The following TCF7L2 variants were observed in gnomAD, a reference collection of about 807,000 sequenced individuals.
TCF7L2 encodes the protein transcription factor 7 like 2.
Under a neutral mutation model 77.9 loss-of-function variants are expected in TCF7L2, and 23 were observed. The ratio of observed to expected loss-of-function variants is 0.30; its 90% CI spans 0.21 to 0.42. The LOEUF (loss-of-function observed/expected upper bound fraction) is 0.42, where lower values mean the gene tolerates loss of function less well. Among genes scored for constraint, TCF7L2 ranks in the 10% least tolerant of loss-of-function variants. The pLI is 1.00. For synonymous variants in TCF7L2, 413 were observed against 340.2 expected (o/e 1.21, Z -2.36); for missense variants, 654 against 793.1 (o/e 0.82, Z 2.11).
chr10:113,094,615 A>ATACT (rs1409438971), intron 5 of TCF7L2, among the ~76,000 whole-genome samples: 1 of 152,248 alleles, frequency 6.6e-6, no homozygotes, highest in Non-Finnish European at 1.5e-5. Context: ...ATATTTTGAA[A>ATACT]TACTTCCTCT....
At chr10:113,089,179 G>C (rs559592537) in intron 5 of TCF7L2, among the ~76,000 whole-genome samples, 2 of 152,248 alleles carry the variant, frequency 1.3e-5, no homozygotes, top group South Asian at 4.1e-4. Context: ...AGGCTGCCTG[G>C]AGGAGGTTGC....
rs898042986 is a variant in TCF7L2 at position 113,166,815 on chromosome 10, T to C, written c.*843T>C. On this transcript the variant is annotated 3_prime_UTR_variant, in exon 14 of 14. Coordinates refer to ENST00000627217, the MANE Select transcript of TCF7L2 (RefSeq NM_001146274.2). ...TGTGTATATATATTTTTGTTTCCCC[T>C]TTTTGACTTTTTTTTTTCTGTATGA... 1 of 228,294 alleles carries C rather than the reference T, an allele frequency of 4.4e-6. No individual in the cohort carries two copies. Among genetic ancestry groups the C allele is most frequent in the African/African-American group, 2.2e-5 (1 of 45,096 alleles). The allele number at this position is 228,294 out of a possible 1,614,324, so 14.1% of individuals were successfully genotyped here.
At chr10:112,983,701 A>T (rs1044140147) in intron 4 of TCF7L2, among the ~76,000 whole-genome samples, 3 of 152,144 alleles carry the variant, frequency 2.0e-5, no homozygotes, top group Non-Finnish European at 2.9e-5. Context: ...GTTACTAGGG[A>T]CAGGAGACCT....
intron 4 of TCF7L2, among the ~76,000 whole-genome samples, chr10:112,973,659 G>A (rs1465232506): frequency 2.6e-5 from 4 of 151,922 alleles, no homozygotes; most frequent in Non-Finnish European, 4.4e-5. Context: ...GTGCCATCTC[G>A]GCTCACTGCA....
intron 5 of TCF7L2, among the ~76,000 whole-genome samples, chr10:113,078,954 T>C (rs1440244287): frequency 6.6e-6 from 1 of 152,000 alleles, no homozygotes; most frequent in Non-Finnish European, 1.5e-5. Flanking sequence ...TGCCTCAGCC[T>C]CCCGAGTAGC....
At position 113,109,115 on chromosome 10, in the gene TCF7L2, G is replaced by C. The variant is rs528606988; in HGVS notation, c.553-32069G>C. On this transcript the variant is annotated intron_variant, in intron 5 of 13. Transcript: ENST00000627217. The stretch of plus-strand genomic sequence containing the variant: ...ATAACGTAATGTGTTGATCAGAAAG[G>C]AGCGTATTTCCAGCTTTAGAATTGC... 3.3e-5 allele frequency among the ~76,000 whole-genome samples: 5 copies of C among 152,290 alleles called. No individual in the cohort carries two copies. In the East Asian group the frequency reaches 9.7e-4, roughly 30 times the overall value.
intron 13 of TCF7L2, among the ~76,000 whole-genome samples, chr10:113,163,052 G>A (rs527962817): frequency 6.6e-6 from 1 of 151,304 alleles, no homozygotes; most frequent in South Asian, 2.1e-4. Flanking sequence ...GTTGCCAACC[G>A]AGGCATTTTC....
chr10:113,135,190 G>A (rs1194741923), intron 5 of TCF7L2, among the ~76,000 whole-genome samples: 1 of 152,200 alleles, frequency 6.6e-6, no homozygotes, highest in African/African-American at 2.4e-5. Context: ...GTCTGGATGG[G>A]TGTGTGGGCG....
chr10:113,084,928 A>G (rs2059683082), intron 5 of TCF7L2, among the ~76,000 whole-genome samples: 1 of 151,742 alleles, frequency 6.6e-6, no homozygotes. Context: ...AAAAACAAAA[A>G]ACCCTGACAC....
At chr10:113,009,707 G>A (rs1242460975) in intron 4 of TCF7L2, among the ~76,000 whole-genome samples, 5 of 152,204 alleles carry the variant, frequency 3.3e-5, no homozygotes, top group Non-Finnish European at 5.9e-5. Context: ...ACTTAAAGCT[G>A]TAAAGGGCCA....
At chr10:112,996,260 C>T (rs1451098401) in intron 4 of TCF7L2, among the ~76,000 whole-genome samples, 4 of 152,014 alleles carry the variant, frequency 2.6e-5, no homozygotes, top group African/African-American at 7.2e-5. Context: ...ATGAGCCTCT[C>T]GGATATGGCG....
chr10:113,150,907 T>TG (rs2137119793), intron 8 of TCF7L2, 91 bp from the exon 9 acceptor site: 5 of 1,356,028 alleles, frequency 3.7e-6, no homozygotes, highest in Non-Finnish European at 5.1e-6. Flanking sequence ...TGTTACGTGC[T>TG]GTTTTTTTTT....
chr10:113,109,199 A>C (rs1489406523), intron 5 of TCF7L2, among the ~76,000 whole-genome samples: 1 of 152,176 alleles, frequency 6.6e-6, no homozygotes, highest in Admixed American at 6.5e-5. Flanking sequence ...AAGGGGATTT[A>C]GCCATGGGAT....
intron 4 of TCF7L2, among the ~76,000 whole-genome samples, chr10:112,992,747 T>TA (rs1418262153): frequency 6.6e-6 from 1 of 151,712 alleles, no homozygotes; most frequent in Non-Finnish European, 1.5e-5. Flanking sequence ...AATGCAGTGT[T>TA]ACTCTCTTAT....
At chr10:113,061,718 T>A (rs1199718624) in intron 5 of TCF7L2, among the ~76,000 whole-genome samples, 1 of 152,228 alleles carries the variant, frequency 6.6e-6, no homozygotes, top group Non-Finnish European at 1.5e-5. Context: ...CTGACGGTTA[T>A]TGATCCTCCC....
At chr10:112,983,260 A>G (rs61875115) in intron 4 of TCF7L2, among the ~76,000 whole-genome samples, 13,370 of 151,876 alleles carry the variant, frequency 0.088, 710 homozygotes, top group African/African-American at 0.15. Context: ...TCATGAGGTC[A>G]GGAGATCGAA....
intron 4 of TCF7L2, among the ~76,000 whole-genome samples, chr10:113,035,251 G>A (rs181624420): frequency 5.9e-4 from 90 of 152,212 alleles, no homozygotes; most frequent in African/African-American, 2.0e-3. Flanking sequence ...TTAGGCCACC[G>A]GACATGCTTT....
intron 3 of TCF7L2, among the ~76,000 whole-genome samples, chr10:112,958,462 T>A (rs2034247389): frequency 6.6e-6 from 1 of 151,948 alleles, no homozygotes; most frequent in South Asian, 2.1e-4. Flanking sequence ...AGTCTTCAGC[T>A]TGAAACCGAT....
chr10:112,964,816 G>GTGATGGTGGTGGTGGTGATGGT (rs1331506565), intron 4 of TCF7L2, among the ~76,000 whole-genome samples, 192 bp downstream of exon 4: 1 of 148,066 alleles, frequency 6.8e-6, no homozygotes, highest in African/African-American at 2.5e-5. Context: ...TGGTGGTGGG[G>GTGATGGTGGTGGTGGTGATGGT]GGGGGTTGAA....
Sources: allele counts gnomAD v4.1 joint callset (sites outside exome capture counted in the v4.1 genomes callset), GRCh38; gene constraint gnomAD v4.1.1; transcripts MANE v1.5; gene names NCBI Gene and HGNC (gene_info 2026-07-23, HGNC 2026-07-21).